ZNF223: variants seen among roughly 807,000 people sequenced by gnomAD.
ZNF223 encodes zinc finger protein 223.
A neutral mutation model predicts 12.3 loss-of-function variants in ZNF223; 9 were observed. The ratio of observed to expected loss-of-function variants is 0.73; its 90% confidence interval spans 0.44 to 1.28. ZNF223 has a LOEUF of 1.28. ZNF223 is among the 50% of genes most tolerant of loss of function. The pLI is 0.00. For synonymous variants in ZNF223, 171 were observed against 195.2 expected (o/e 0.88, Z 1.03); for missense variants, 506 against 579.0 (o/e 0.87, Z 1.29).
chr19:44,063,161 A>C lies in ZNF223; in HGVS notation c.235+2320A>C, dbSNP rs189528735. 2.0e-5 allele frequency: 3 copies of C among 152,346 alleles called. No homozygotes were observed. In the East Asian group the frequency reaches 5.8e-4, roughly 29 times the overall value. The allele number at this position is 152,346 out of a possible 1,614,324, so 9.4% of individuals were successfully genotyped here. A position where few individuals can be genotyped will look rare whatever the true frequency, so the allele number is the denominator to read the frequency against. On this transcript the variant is annotated intron_variant, in intron 4 of 4. Coordinates refer to ENST00000434772, the MANE Select transcript of ZNF223 (RefSeq NM_013361.6). ...TTATTTATAAGTCACAGTGTATTAA[A>C]TATATCCATGTACCTATTAGACAGG... is the stretch of plus-strand genomic sequence containing the variant.
At position 44,055,145 on chromosome 19, in the gene ZNF223, G is replaced by A. The variant is rs1002941923; in HGVS notation, c.-32G>A. On this transcript the variant is annotated 5_prime_UTR_variant, in exon 2 of 5. Transcript: ENST00000434772. ...CTTTCCCTGGAACTGTGTCATTCAG[G>A]ACTCTGCAAATTCCCTAAAGTAGGA... 4 of 1,612,382 alleles carry A rather than the reference G, an allele frequency of 2.5e-6. No homozygotes were observed. Among genetic ancestry groups the A allele is most frequent in the African/African-American group, 2.7e-5 (2 of 74,834 alleles).
chr19:44,065,652 G>A (rs1402066563), intron 4 of ZNF223, among the ~76,000 whole-genome samples: 1 of 145,990 alleles, frequency 6.8e-6, no homozygotes, highest in East Asian at 2.0e-4. Flanking sequence ...ATCTCGGCTT[G>A]CTGCAACCTG....
At chr19:44,057,005 A>T (rs1976778445) in intron 2 of ZNF223, among the ~76,000 whole-genome samples, 1 of 152,234 alleles carries the variant, frequency 6.6e-6, no homozygotes, top group Admixed American at 6.5e-5. Context: ...AAGGATAAAG[A>T]AAAAAGTTCA....
At position 44,067,352 on chromosome 19, in the gene ZNF223, A is replaced by C; in HGVS notation, c.*75A>C. 1 of 1,395,414 alleles carries C rather than the reference A, an allele frequency of 7.2e-7. No individual in the cohort carries two copies. The highest frequency in any genetic ancestry group is 9.9e-7 in the Non-Finnish European group (1 of 1,008,492). The allele number at this position is 1,395,414 out of a possible 1,614,324, so 86.4% of individuals were successfully genotyped here. On this transcript the variant is annotated 3_prime_UTR_variant, in exon 5 of 5. Coordinates refer to ENST00000434772, the MANE Select transcript of ZNF223 (RefSeq NM_013361.6). ...TGATGTATAATGATCAAATCAGTGT[A>C]ATTAGCACATTTATCACCTCAATTA...
At chr19:44,062,173 G>T (rs977072249) in intron 4 of ZNF223, among the ~76,000 whole-genome samples, 1 of 152,144 alleles carries the variant, frequency 6.6e-6, no homozygotes, top group Non-Finnish European at 1.5e-5. Flanking sequence ...ATGAACCAGA[G>T]TGTATGAAAT....
At chr19:44,052,000 G>C (rs1976706022), upstream of ZNF223, 1 of 152,242 alleles carries the variant, frequency 6.6e-6, no homozygotes, top group African/African-American at 2.4e-5. Flanking sequence ...GTGGAGTCCA[G>C]ACACTCTGGC....
In ZNF223 at chr19:44,066,859, A is replaced by G. The variant is rs1198155003; in HGVS notation, c.1031A>G (p.Tyr344Cys). 10 of 1,614,116 alleles carry G rather than the reference A, an allele frequency of 6.2e-6. No individual in the cohort carries two copies. The highest frequency in any genetic ancestry group is 7.6e-6 in the Non-Finnish European group (9 of 1,180,050). Residue 344 changes from tyrosine (Y) to cysteine (C), a missense_variant, in exon 5 of 5, where the codon TAT becomes TGT. Physicochemically the swap from Tyr to Cys is radical, Grantham distance 194. Coordinates refer to ENST00000434772, the MANE Select transcript of ZNF223 (RefSeq NM_013361.6). ...HQTIHTGEKPYNCKECGKSFR... is the reference protein window; with the variant it reads ...HQTIHTGEKPCNCKECGKSFR... ...ACGATCCACACAGGAGAGAAACCATATAATTGTAAAGAATGTGGGAAGAGC... is the reference window on the plus strand; with the variant it reads ...ACGATCCACACAGGAGAGAAACCATGTAATTGTAAAGAATGTGGGAAGAGC...
At position 44,067,714 on chromosome 19, in the gene ZNF223, A is replaced by T; in HGVS notation, c.*437A>T. ...CAGAGAATGCTGCAGGGTTTCTAAC[A>T]GAAGTTTGACAATTAGTTATTATTC... On this transcript the variant is annotated 3_prime_UTR_variant, in exon 5 of 5. Transcript: ENST00000434772. 3.3e-6 allele frequency: 1 copy of T among 301,090 alleles called. No individual in the cohort carries two copies. The highest frequency in any genetic ancestry group is 6.5e-6 in the Non-Finnish European group (1 of 152,830). The allele number at this position is 301,090 out of a possible 1,614,324, so 18.7% of individuals were successfully genotyped here.
At position 44,066,972 on chromosome 19, in the gene ZNF223, A is replaced by G. The variant is rs765397892; in HGVS notation, c.1144A>G (p.Ile382Val). ...YKCDKCGKSY[I>V]TKSGLDLHHR... is the part of the protein sequence containing the mutation. ...ATGTGACAAGTGTGGGAAGAGCTACATTACTAAGTCAGGTCTTGACTTGCA... is the reference window on the plus strand; with the variant it reads ...ATGTGACAAGTGTGGGAAGAGCTACGTTACTAAGTCAGGTCTTGACTTGCA... The change falls in exon 5 of 5, where the codon ATT (isoleucine) becomes GTT (valine). Residue 382 changes from isoleucine to valine, a missense_variant. Coordinates refer to ENST00000434772, the MANE Select transcript of ZNF223 (RefSeq NM_013361.6). 15 of 1,613,308 alleles carry G rather than the reference A, an allele frequency of 9.3e-6. No homozygotes were observed. The highest frequency in any genetic ancestry group is 1.1e-5 in the South Asian group (1 of 91,048).
At position 44,066,105 on chromosome 19, in the gene ZNF223, G is replaced by A. The variant is rs1209751946; in HGVS notation, c.277G>A (p.Gly93Arg). 1 of 1,607,286 alleles carries A rather than the reference G, an allele frequency of 6.2e-7. No individual in the cohort carries two copies. The highest frequency in any genetic ancestry group is 8.5e-7 in the Non-Finnish European group (1 of 1,177,996). ...QPEMKTFPEA[G>R]PHEGWSCQQI... ...TGAGATGAAGACTTTTCCAGAAGCA[G>A]GACCACATGAAGGGTGGTCCTGCCA... The change falls in exon 5 of 5, where the codon GGA (glycine) becomes AGA (arginine). Residue 93 changes from glycine to arginine, a missense_variant. Coordinates refer to ENST00000434772, the MANE Select transcript of ZNF223 (RefSeq NM_013361.6).
In ZNF223 at chr19:44,067,301, C is replaced by T. The variant is rs1457918024; in HGVS notation, c.*24C>T. On this transcript the variant is annotated 3_prime_UTR_variant, in exon 5 of 5. Transcript: ENST00000434772. ...AAGTGTTGTACATATTTATGGGGTA[C>T]AGTGTGATATTTAAATATATGTATA... 6 of 1,578,098 alleles carry T rather than the reference C, an allele frequency of 3.8e-6. No homozygotes were observed. The highest frequency in any genetic ancestry group is 2.3e-5 in the South Asian group (2 of 88,738).
intron 2 of ZNF223, among the ~76,000 whole-genome samples, chr19:44,056,435 G>A (rs1976766310): frequency 1.4e-5 from 2 of 145,484 alleles, no homozygotes; most frequent in South Asian, 4.5e-4. Context: ...GGCAGGCTGA[G>A]GCAGGAGAAT....
rs1417644628 is a variant in ZNF223 at position 44,066,495 on chromosome 19, CAG to C, written c.672_673del (p.Arg224SerfsTer11). The C allele has an allele frequency of 2.5e-6, 4 of 1,614,094 alleles. No homozygotes were observed. Among genetic ancestry groups the C allele is most frequent in the South Asian group, 1.1e-5 (1 of 91,096 alleles). On this transcript the variant is annotated frameshift_variant, in exon 5 of 5. Coordinates refer to ENST00000434772, the MANE Select transcript of ZNF223 (RefSeq NM_013361.6). LOFTEE classifies it low-confidence loss of function (END_TRUNC). ...FSQSLHLQTH[Q>X]RVHTGEKPFK... ...TCAGAGTTTACATCTGCAAACTCAT[CAG>C]AGAGTCCATACTGGAGAGAAACCTT...
intron 2 of ZNF223, 51 bp from the exon 3 acceptor site, chr19:44,060,403 TC>T (rs950437681): frequency 1.2e-6 from 2 of 1,602,866 alleles, no homozygotes; most frequent in African/African-American, 2.7e-5. Flanking sequence ...GTTCCTTCTC[TC>T]CCAGTAACCA....
In ZNF223 at chr19:44,067,179, A is replaced by C. The variant is rs1238041921; in HGVS notation, c.1351A>C (p.Ser451Arg). The C allele has an allele frequency of 1.8e-5, 29 of 1,612,444 alleles. No homozygotes were observed. Among genetic ancestry groups the C allele is most frequent in the Non-Finnish European group, 2.5e-5 (29 of 1,179,698 alleles). The change falls in exon 5 of 5, where the codon AGT (serine) becomes CGT (arginine). Residue 451 changes from serine to arginine, a missense_variant. By Grantham distance (110) the Ser-to-Arg change is moderately radical. Transcript: ENST00000434772. ...SYRKDQQKNHSGENPSKCEDC... is the reference protein window; with the variant it reads ...SYRKDQQKNHRGENPSKCEDC... ...CCGTAAAGACCAACAAAAAAACCAC[A>C]GTGGAGAAAATCCATCCAAATGTGA...
chr19:44,067,275 TA>T lies in ZNF223; in HGVS notation c.1449del (p.Ter483=). 6.2e-7 allele frequency: 1 copy of T among 1,607,010 alleles called. No individual in the cohort carries two copies. Among genetic ancestry groups the T allele is most frequent in the Non-Finnish European group, 8.5e-7 (1 of 1,176,660 alleles). ...TTTATCATTATTTTTAAATGACACG[TA>T]AGTGTTGTACATATTTATGGGGTAC... ...IILSLFLNDT[*>X] On this transcript the variant is annotated frameshift_variant and stop_lost, in exon 5 of 5. Transcript: ENST00000434772. LOFTEE classifies it high-confidence loss of function.
chr19:44,066,641 T>G lies in ZNF223; in HGVS notation c.813T>G (p.His271Gln). The change falls in exon 5 of 5, where the codon CAT (histidine) becomes CAG (glutamine). Residue 271 changes from histidine to glutamine, a missense_variant. By Grantham distance (24) the His-to-Gln change is conservative (BLOSUM62 0). Transcript: ENST00000434772. ...AGGCATGTGGGAGGGCCTTCATTCA[T>G]GATTTCCAGCTTCAGAAACATCAGA... ...NCEACGRAFI[H>Q]DFQLQKHQRI... The G allele has an allele frequency of 6.2e-7, 1 of 1,614,214 alleles. No individual in the cohort carries two copies. The highest frequency in any genetic ancestry group is 8.5e-7 in the Non-Finnish European group (1 of 1,180,040).
chr19:44,054,172 CTTT>C (rs57806070), intron 1 of ZNF223, among the ~76,000 whole-genome samples: 3 of 137,676 alleles, frequency 2.2e-5, no homozygotes, highest in Non-Finnish European at 1.6e-5. Flanking sequence ...ATGCCCTTTT[CTTT>C]TTTTTTTTTT....
chr19:44,066,449 C>T lies in ZNF223; in HGVS notation c.621C>T (p.Asp207=), dbSNP rs531526137. Residue 207 remains aspartate (D), a synonymous_variant, in exon 5 of 5, where the codon GAC becomes GAT. Transcript: ENST00000434772. ...VHLGEKLFKC[D]VCGKEFSQSL... ...TGGGAGAGAAACTCTTTAAGTGTGA[C>T]GTGTGTGGTAAGGAATTCAGTCAGA... 6.4e-5 allele frequency: 104 copies of T among 1,614,030 alleles called. No homozygotes were observed. The highest frequency in any genetic ancestry group is 1.6e-4 in the Middle Eastern group (1 of 6,084).
Sources: allele counts gnomAD v4.1 joint callset (sites outside exome capture counted in the v4.1 genomes callset), GRCh38; gene constraint gnomAD v4.1.1; transcripts MANE v1.5; gene names NCBI Gene and HGNC (gene_info 2026-07-23, HGNC 2026-07-21).